NKAIN2: variants seen among roughly 807,000 people sequenced by gnomAD.
NKAIN2 encodes the protein sodium/potassium-transporting ATPase subunit beta-1-interacting protein 2.
Under a neutral mutation model 32.6 loss-of-function variants are expected in NKAIN2, and 14 were observed. The ratio of observed to expected loss-of-function variants is 0.43; its 90% CI spans 0.28 to 0.67. The LOEUF is 0.67. NKAIN2 is among the 30% of genes least tolerant of loss of function. The pLI, the probability that NKAIN2 is intolerant of heterozygous loss-of-function variation, is 0.17. For synonymous variants in NKAIN2, 80 were observed against 87.2 expected, an observed-to-expected ratio of 0.92 and a Z score of 0.46; for missense variants, 198 against 258.3, an observed-to-expected ratio of 0.77 and a Z score of 1.60.
chr6:124,103,429 A>G (rs1259274068), intron 1 of NKAIN2, among the ~76,000 whole-genome samples: 2 of 152,202 alleles, frequency 1.3e-5, no homozygotes, highest in Non-Finnish European at 2.9e-5. Flanking sequence ...CTACATCTGC[A>G]TCTTCTAGAG....
Position 124,373,684 on chromosome 6 carries a change from A to G in NKAIN2, c.273+18337A>G, listed in dbSNP as rs1400158466. Among the ~76,000 whole-genome samples, 4 of 152,146 alleles carry G rather than the reference A, an allele frequency of 2.6e-5. No homozygotes were observed. The East Asian group carries it at 7.7e-4, about 29-fold the overall frequency. ...GACGTAGGAAGGAAGCCAGGGCACT[A>G]GTGTTCAAGAGCTTTGGTTAAAACA... On this transcript the variant is annotated intron_variant, in intron 3 of 6. Transcript: ENST00000368417.
Position 123,839,000 on chromosome 6 carries a change from C to G in NKAIN2, c.54+34746C>G, listed in dbSNP as rs577501656. On this transcript the variant is annotated intron_variant, in intron 1 of 6. Coordinates refer to ENST00000368417, the MANE Select transcript of NKAIN2 (RefSeq NM_001040214.3). ...ATTGCTAGTCATACTTAGCTTTCAG[C>G]TCCATCTGCACCGTAGCTATCCTGC... Among the ~76,000 whole-genome samples the G allele has an allele frequency of 3.6e-3, 553 of 152,306 alleles. 6 individuals carry two copies. Among genetic ancestry groups the G allele is most frequent in the African/African-American group, 0.013 (531 of 41,578 alleles).
intron 2 of NKAIN2, among the ~76,000 whole-genome samples, chr6:124,314,382 G>A (rs1249978392): frequency 1.3e-5 from 2 of 152,084 alleles, no homozygotes; most frequent in Non-Finnish European, 2.9e-5. Context: ...TATAAGTTTT[G>A]CAAGATAAAA....
At chr6:124,712,095 C>A (rs980192426) in intron 4 of NKAIN2, among the ~76,000 whole-genome samples, 4 of 151,532 alleles carry the variant, frequency 2.6e-5, no homozygotes, top group African/African-American at 9.7e-5. Context: ...TGTCAGTGTG[C>A]CCCTGCTGGG....
chr6:124,211,654 C>T (rs1221579053), intron 1 of NKAIN2, among the ~76,000 whole-genome samples: 9 of 152,014 alleles, frequency 5.9e-5, no homozygotes, highest in South Asian at 2.1e-4. Flanking sequence ...AGCTGTTGTC[C>T]ATAGGATTAT....
At chr6:124,804,755 C>T (rs936411743) in intron 5 of NKAIN2, among the ~76,000 whole-genome samples, 4 of 152,220 alleles carry the variant, frequency 2.6e-5, no homozygotes, top group Non-Finnish European at 4.4e-5. Context: ...AAAGGGGTGA[C>T]AGACGGCACC....
chr6:123,807,823 A>G (rs1773282860), intron 1 of NKAIN2, among the ~76,000 whole-genome samples: 1 of 152,172 alleles, frequency 6.6e-6, no homozygotes, highest in South Asian at 2.1e-4. Flanking sequence ...TAACACTTGA[A>G]AAATGCCACT....
chr6:124,166,400 G>A (rs1370432574), intron 1 of NKAIN2, among the ~76,000 whole-genome samples: 1 of 152,066 alleles, frequency 6.6e-6, no homozygotes, highest in Non-Finnish European at 1.5e-5. Context: ...GGAGTTCATT[G>A]TAGATTCTAG....
intron 2 of NKAIN2, among the ~76,000 whole-genome samples, chr6:124,307,644 T>G (rs576144031): frequency 6.6e-6 from 1 of 152,316 alleles, no homozygotes; most frequent in East Asian, 1.9e-4. Context: ...CAATTGAATT[T>G]CTTGTTCTTT....
At chr6:123,897,796 A>C (rs918575985) in intron 1 of NKAIN2, among the ~76,000 whole-genome samples, 1 of 152,140 alleles carries the variant, frequency 6.6e-6, no homozygotes, top group Non-Finnish European at 1.5e-5. Context: ...GCTGGCTTCA[A>C]CTTACCCTCT....
At chr6:124,102,967 T>C (rs1784959815) in intron 1 of NKAIN2, among the ~76,000 whole-genome samples, 1 of 152,104 alleles carries the variant, frequency 6.6e-6, no homozygotes, top group Admixed American at 6.6e-5. Flanking sequence ...AAATCTGTCA[T>C]TGACTGGAAA....
chr6:124,532,410 C>T (rs867605337), intron 3 of NKAIN2, among the ~76,000 whole-genome samples: 1 of 152,154 alleles, frequency 6.6e-6, no homozygotes, highest in African/African-American at 2.4e-5. Context: ...CCTTTTCAGG[C>T]ACAGAGAGGT....
chr6:124,349,173 G>C (rs1308202147), intron 2 of NKAIN2, among the ~76,000 whole-genome samples: 1 of 152,018 alleles, frequency 6.6e-6, no homozygotes, highest in African/African-American at 2.4e-5. Context: ...GGTTTATTGG[G>C]TGCAAAGGAA....
intron 1 of NKAIN2, among the ~76,000 whole-genome samples, chr6:124,065,757 G>A (rs140606341): frequency 6.6e-6 from 1 of 152,198 alleles, no homozygotes; most frequent in Non-Finnish European, 1.5e-5. Flanking sequence ...CATTGTATGT[G>A]CAGTATTTCT....
At chr6:124,146,677 A>T (rs531339002) in intron 1 of NKAIN2, among the ~76,000 whole-genome samples, 1 of 152,352 alleles carries the variant, frequency 6.6e-6, no homozygotes, top group East Asian at 1.9e-4. Flanking sequence ...ATTATTCATT[A>T]GAAATGAATA....
intron 1 of NKAIN2, among the ~76,000 whole-genome samples, chr6:124,248,943 C>G (rs1304359955): frequency 6.6e-6 from 1 of 152,088 alleles, no homozygotes; most frequent in Admixed American, 6.6e-5. Context: ...ATCAGAGCAT[C>G]CTATTCTATA....
intron 1 of NKAIN2, among the ~76,000 whole-genome samples, chr6:123,998,476 C>T (rs542179784): frequency 5.9e-5 from 9 of 152,238 alleles, no homozygotes; most frequent in African/African-American, 9.6e-5. Flanking sequence ...TGTGCTGTGA[C>T]GTTTGAAATC....
At chr6:124,506,724 A>AT (rs1778499129) in intron 3 of NKAIN2, among the ~76,000 whole-genome samples, 1 of 152,082 alleles carries the variant, frequency 6.6e-6, no homozygotes, top group Non-Finnish European at 1.5e-5. Flanking sequence ...GAAAAAAAAA[A>AT]GAGGGAGAAG....
intron 3 of NKAIN2, among the ~76,000 whole-genome samples, chr6:124,600,638 CAT>C (rs1036929220): frequency 2.0e-5 from 3 of 151,978 alleles, no homozygotes; most frequent in Non-Finnish European, 2.9e-5. Flanking sequence ...ATTTCTCTAA[CAT>C]ATATTTGATA....
Sources: allele counts gnomAD v4.1 joint callset (sites outside exome capture counted in the v4.1 genomes callset), GRCh38; gene constraint gnomAD v4.1.1; transcripts MANE v1.5; gene names NCBI Gene and HGNC (gene_info 2026-07-23, HGNC 2026-07-21).